The following NBEAL1 variants were observed in gnomAD, a reference collection of about 807,000 sequenced individuals.
The protein encoded by NBEAL1 is neurobeachin like 1.
A neutral mutation model predicts 351.3 loss-of-function variants in NBEAL1; 273 were observed. That is an observed-to-expected ratio of 0.78 (90% CI 0.70 to 0.86). The LOEUF is 0.86. NBEAL1 is among the 40% of genes least tolerant of loss of function. NBEAL1 has a pLI of 0.00. For missense variants in NBEAL1, 2,961 were observed against 3,201.3 expected (o/e 0.92, Z 1.81); for synonymous variants, 1,050 against 1,086.4 (o/e 0.97, Z 0.66).
Position 203,217,268 on chromosome 2 carries a change from C to T in NBEAL1, c.8086C>T (p.Leu2696Phe). The T allele has an allele frequency of 6.3e-7, 1 of 1,596,988 alleles. No individual in the cohort carries two copies. Among genetic ancestry groups the T allele is most frequent in the Non-Finnish European group, 8.5e-7 (1 of 1,171,524 alleles). The change falls in exon 56 of 56, where the codon CTT (leucine) becomes TTT (phenylalanine). Residue 2696 changes from leucine to phenylalanine, a missense_variant. Coordinates refer to ENST00000683969, the MANE Select transcript of NBEAL1 (RefSeq NM_001378026.1). ...CTTTACACAGATGCGTTCAGGTCAGCTTTCTCGAAAATTTTGGGGATCGAG... is the reference window on the plus strand; with the variant it reads ...CTTTACACAGATGCGTTCAGGTCAGTTTTCTCGAAAATTTTGGGGATCGAG... ...GKPAEMRSGQ[L>F]SRKFWGSSKR...
intron 35 of NBEAL1, 95 bp downstream of exon 35, chr2:203,151,684 T>C: frequency 8.3e-7 from 1 of 1,197,854 alleles, no homozygotes; most frequent in Non-Finnish European, 1.1e-6. Context: ...TGTGTTTACT[T>C]ATGAAGGAAG....
chr2:203,131,548 C>G (rs1436956719), intron 25 of NBEAL1, among the ~76,000 whole-genome samples: 1 of 152,174 alleles, frequency 6.6e-6, no homozygotes, highest in African/African-American at 2.4e-5. Flanking sequence ...TTACATTATA[C>G]TATAATAGGG....
intron 2 of NBEAL1, 34 bp from the exon 3 acceptor site, chr2:203,041,731 C>A: frequency 7.1e-7 from 1 of 1,403,682 alleles, no homozygotes; most frequent in Admixed American, 2.1e-5. Context: ...TCCTGATAGG[C>A]ATACTTAATA....
At chr2:203,115,229 G>GCGATTCT (rs1394780467) in intron 17 of NBEAL1, among the ~76,000 whole-genome samples, 1 of 151,074 alleles carries the variant, frequency 6.6e-6, no homozygotes, top group Non-Finnish European at 1.5e-5. Flanking sequence ...CTGGGTTCAA[G>GCGATTCT]CGATTCTCCA....
intron 18 of NBEAL1, among the ~76,000 whole-genome samples, chr2:203,121,559 G>A (rs1313770406): frequency 6.6e-6 from 1 of 151,376 alleles, no homozygotes; most frequent in Admixed American, 6.6e-5. Flanking sequence ...GGCTGAGGCA[G>A]GAGAATTGCT....
At chr2:203,214,146 T>C (rs2065859893) in intron 55 of NBEAL1, among the ~76,000 whole-genome samples, 1 of 152,238 alleles carries the variant, frequency 6.6e-6, no homozygotes. Context: ...TATCAATTAT[T>C]GAATATTCAG....
chr2:203,112,936 CTATTT>C (rs2062605273), intron 16 of NBEAL1, 74 bp from the exon 17 acceptor site: 3 of 1,227,120 alleles, frequency 2.4e-6, no homozygotes, highest in Non-Finnish European at 3.2e-6. Flanking sequence ...ATTTTATGTA[CTATTT>C]TATTGTGTAA....
At chr2:203,192,963 CTT>C (rs71408917) in intron 46 of NBEAL1, among the ~76,000 whole-genome samples, 13 of 99,338 alleles carry the variant, frequency 1.3e-4, no homozygotes, top group South Asian at 1.3e-3. Flanking sequence ...TTCTTTCTTT[CTT>C]TTTTTTTTTT....
rs752722498 is a variant in NBEAL1, at chr2:203,084,548, A to G, written c.1077A>G (p.Ile359Met). ...ACAGCAATTGCTTTGAACATCTCAT[A>G]CGACTGCTACAGAACTGCAAGGTAT... Reference protein sequence around the residue: ...FLNSNCFEHLIRLLQNCKLFL... With the variant: ...FLNSNCFEHLMRLLQNCKLFL... The change falls in exon 10 of 56, where the codon ATA becomes ATG. Residue 359 changes from isoleucine to methionine, a missense_variant. Ile to Met is a conservative substitution (Grantham distance 10, BLOSUM62 1). Transcript: ENST00000683969. 20 of 1,531,810 alleles carry G rather than the reference A, an allele frequency of 1.3e-5. No homozygotes were observed. The highest frequency in any genetic ancestry group is 2.1e-5 in the Admixed American group (1 of 47,980). The allele number at this position is 1,531,810 out of a possible 1,614,324, so 94.9% of individuals were successfully genotyped here. A position where few individuals can be genotyped will look rare whatever the true frequency, so the allele number is the denominator to read the frequency against.
chr2:203,084,384 A>C lies in NBEAL1; in HGVS notation c.992-79A>C, dbSNP rs150380393. On this transcript the variant is annotated intron_variant, in intron 9 of 55. Transcript: ENST00000683969. ...ATCAAAGTTGTTTTAAAAATTAAAA[A>C]GAAAAATGATTAGAGTAAATGTTTG... The C allele has an allele frequency of 2.0e-3, 1,285 of 632,338 alleles. 4 individuals carry two copies. The highest frequency in any genetic ancestry group is 2.9e-3 in the Non-Finnish European group (1,189 of 408,404). 39.2% of individuals were successfully genotyped at this position (632,338 alleles called of 1,614,324 possible).
chr2:203,039,035 C>G (rs1418252884), intron 2 of NBEAL1, among the ~76,000 whole-genome samples: 3 of 148,322 alleles, frequency 2.0e-5, no homozygotes, highest in African/African-American at 7.3e-5. Flanking sequence ...TTGATTAATA[C>G]CAGTTATCTT....
intron 28 of NBEAL1, 39 bp downstream of exon 28, chr2:203,136,291 C>T (rs373538915): frequency 4.9e-5 from 66 of 1,349,450 alleles, no homozygotes; most frequent in Non-Finnish European, 6.6e-5. Context: ...TTTTTATTTT[C>T]ATGTCTGATA....
At position 203,037,490 on chromosome 2, in the gene NBEAL1, G is replaced by T. The variant is rs1203279701; in HGVS notation, c.52-4275G>T. On this transcript the variant is annotated intron_variant, in intron 2 of 55. Coordinates refer to ENST00000683969, the MANE Select transcript of NBEAL1 (RefSeq NM_001378026.1). ...ATGTCACAAAGCATTAAAATGCACA[G>T]ATTTTAAGTGTCAAATGTGATGAAT... Among the ~76,000 whole-genome samples, 5 of 149,018 alleles carry T rather than the reference G, an allele frequency of 3.4e-5. 1 individual carries two copies. The highest frequency in any genetic ancestry group is 1.2e-4 in the African/African-American group (5 of 40,960).
At position 203,217,294 on chromosome 2, in the gene NBEAL1, C is replaced by T; in HGVS notation, c.8112C>T (p.Ser2704=). The change falls in exon 56 of 56, where the codon AGC becomes AGT. Residue 2704 remains serine, a synonymous_variant. Transcript: ENST00000683969. ...TTTCTCGAAAATTTTGGGGATCGAG[C>T]AAGCGGCTCAGCCAGATTTCAGCTG... The part of the protein sequence containing the change: ...GQLSRKFWGS[S]KRLSQISAGE... 1 of 1,600,956 alleles carries T rather than the reference C, an allele frequency of 6.2e-7. No individual in the cohort carries two copies. The highest frequency in any genetic ancestry group is 8.5e-7 in the Non-Finnish European group (1 of 1,173,294).
chr2:203,099,755 T>A (rs1181185682), intron 12 of NBEAL1, 43 bp downstream of exon 12: 1 of 1,315,766 alleles, frequency 7.6e-7, no homozygotes, highest in South Asian at 1.4e-5. Context: ...TCTTAACTTT[T>A]ATTTTAGGTT....
chr2:203,207,295 TCAGCCCCCCGCC>T (rs2065625987), intron 51 of NBEAL1, among the ~76,000 whole-genome samples: 1 of 142,816 alleles, frequency 7.0e-6, no homozygotes, highest in African/African-American at 2.7e-5. Context: ...GGTGGGGGGG[TCAGCCCCCCGCC>T]CGGCCAGCCG....
intron 27 of NBEAL1, among the ~76,000 whole-genome samples, chr2:203,134,353 G>C (rs544186857): frequency 1.9e-3 from 294 of 152,220 alleles, no homozygotes; most frequent in Non-Finnish European, 3.6e-3. Context: ...TCTTTGCCAA[G>C]TAAAGCTTAA....
chr2:203,200,804 T>C (rs2065376350), intron 49 of NBEAL1, among the ~76,000 whole-genome samples: 1 of 152,274 alleles, frequency 6.6e-6, no homozygotes, highest in Non-Finnish European at 1.5e-5. Flanking sequence ...TCACTGTATC[T>C]TTGTCTTCCT....
rs551272730 is a variant in NBEAL1 at position 203,144,888 on chromosome 2, G to A, written c.5137G>A (p.Val1713Ile). ...QEYCNSNEWQ[V>I]YIEKYIVPYM... The stretch of plus-strand genomic sequence containing the variant: ...ATATTGTAATTCAAATGAATGGCAA[G>A]TTTACATTGAAAAATATGTAAGTTT... Residue 1713 changes from valine (V) to isoleucine (I), a missense_variant, in exon 32 of 56, where the codon GTT becomes ATT. Physicochemically the swap from Val to Ile is conservative, Grantham distance 29. Coordinates refer to ENST00000683969, the MANE Select transcript of NBEAL1 (RefSeq NM_001378026.1). 8 of 1,588,242 alleles carry A rather than the reference G, an allele frequency of 5.0e-6. No individual in the cohort carries two copies. The highest frequency in any genetic ancestry group is 6.0e-6 in the Non-Finnish European group (7 of 1,170,624).
Sources: allele counts gnomAD v4.1 joint callset (sites outside exome capture counted in the v4.1 genomes callset), GRCh38; gene constraint gnomAD v4.1.1; transcripts MANE v1.5; gene names NCBI Gene and HGNC (gene_info 2026-07-23, HGNC 2026-07-21).